Variants in CABLES1 observed in about 807,000 individuals in gnomAD.
CABLES1 encodes the protein Cdk5 and Abl enzyme substrate 1, also known as CDK5 and ABL1 enzyme substrate 1.
In CABLES1, 36 loss-of-function variants were observed where a neutral mutation model predicts 57.8. That is an observed-to-expected ratio of 0.62 (90% CI 0.48 to 0.82). CABLES1 has a LOEUF of 0.82. CABLES1 is among the 40% of genes least tolerant of loss of function. The probability of loss-of-function intolerance (pLI) is 0.00; values close to 1 mark genes in which losing one functional copy is unlikely to be tolerated. For synonymous variants in CABLES1, 374 were observed against 363.0 expected, an observed-to-expected ratio of 1.03 and a Z score of -0.35; for missense variants, 767 against 836.6, an observed-to-expected ratio of 0.92 and a Z score of 1.03.
chr18:23,196,363 T>G (rs1013693914), intron 3 of CABLES1, among the ~76,000 whole-genome samples: 2 of 152,154 alleles, frequency 1.3e-5, no homozygotes, highest in African/African-American at 2.4e-5. Flanking sequence ...CTGGTTTTCT[T>G]GTGCAAAGGG....
chr18:23,148,242 G>C (rs2046905978), intron 1 of CABLES1, among the ~76,000 whole-genome samples: 1 of 152,084 alleles, frequency 6.6e-6, no homozygotes, highest in Non-Finnish European at 1.5e-5. Context: ...ACCCGCCTCA[G>C]CCTCCCAAAG....
Position 23,253,836 on chromosome 18 carries a change from T to C in CABLES1, c.1661T>C (p.Leu554Pro). 1 of 1,614,182 alleles carries C rather than the reference T, an allele frequency of 6.2e-7. No homozygotes were observed. Among genetic ancestry groups the C allele is most frequent in the Non-Finnish European group, 8.5e-7 (1 of 1,180,036 alleles). ...YFEKLALKGK[L>P]NKQNRKLCAG... ...GAAAAGCTCGCCCTCAAGGGGAAAC[T>C]CAACAAACAGAACCGGAAGCTGTGT... is the stretch of plus-strand genomic sequence containing the variant. Residue 554 changes from leucine (L) to proline (P), a missense_variant, in exon 9 of 10, where the codon CTC becomes CCC. Leu to Pro is a moderately conservative substitution (Grantham distance 98). Transcript: ENST00000256925.
chr18:23,177,155 T>A (rs1358836627), intron 1 of CABLES1, among the ~76,000 whole-genome samples: 2 of 151,892 alleles, frequency 1.3e-5, no homozygotes, highest in Non-Finnish European at 2.9e-5. Flanking sequence ...CTTCAGCAGG[T>A]AAAGGCATTC....
At chr18:23,145,782 GT>G (rs962802692) in intron 1 of CABLES1, among the ~76,000 whole-genome samples, 2 of 152,130 alleles carry the variant, frequency 1.3e-5, no homozygotes, top group Admixed American at 6.5e-5. Flanking sequence ...TTTCCTCTTT[GT>G]TTTAGTAGTT....
chr18:23,235,342 A>T (rs2047596326), intron 5 of CABLES1, among the ~76,000 whole-genome samples: 1 of 152,224 alleles, frequency 6.6e-6, no homozygotes, highest in Admixed American at 6.5e-5. Context: ...CAAGGTGTAG[A>T]TAGAGCGCAT....
intron 4 of CABLES1, among the ~76,000 whole-genome samples, 185 bp from the exon 5 acceptor site, chr18:23,234,423 G>T (rs1277249432): frequency 6.6e-6 from 1 of 152,220 alleles, no homozygotes; most frequent in Non-Finnish European, 1.5e-5. Flanking sequence ...TTTCATTTAT[G>T]TCAAAGTGGT....
chr18:23,237,382 C>A, intron 7 of CABLES1, 137 bp downstream of exon 7: 3 of 682,670 alleles, frequency 4.4e-6, no homozygotes, highest in Non-Finnish European at 8.0e-6. Flanking sequence ...TGGGTGCCCA[C>A]GGAAGGACCA....
chr18:23,226,241 A>G (rs1192340580), intron 4 of CABLES1, among the ~76,000 whole-genome samples: 1 of 152,102 alleles, frequency 6.6e-6, no homozygotes, highest in Non-Finnish European at 1.5e-5. Context: ...ATCTCTACTA[A>G]AATTACAAAA....
chr18:23,169,126 C>T (rs1333040331), intron 1 of CABLES1, among the ~76,000 whole-genome samples: 2 of 152,156 alleles, frequency 1.3e-5, no homozygotes, highest in Non-Finnish European at 2.9e-5. Context: ...CTCCCACCAG[C>T]GCCATGACAG....
intron 2 of CABLES1, 77 bp downstream of exon 2, chr18:23,188,986 C>G: frequency 3.2e-6 from 3 of 941,748 alleles, no homozygotes; most frequent in Non-Finnish European, 4.9e-6. Context: ...TTTTTAACTT[C>G]TTGATCTATA....
intron 7 of CABLES1, among the ~76,000 whole-genome samples, chr18:23,246,538 CCCG>C (rs1160614171): frequency 6.6e-6 from 1 of 151,752 alleles, no homozygotes; most frequent in East Asian, 2.0e-4. Flanking sequence ...ACTACAGGCA[CCCG>C]CCACCACACC....
rs764085259 is a variant in CABLES1, at chr18:23,188,875, C to G, written c.883C>G (p.Leu295Val). The change falls in exon 2 of 10, where the codon CTG becomes GTG. Residue 295 changes from leucine (L) to valine (V), a missense_variant. By Grantham distance (32) the Leu-to-Val change is conservative. Around this residue, in one of 4 missense-constraint regions of CABLES1, gnomAD observed 529 missense variants for 622.8 expected, o/e 0.85. Transcript: ENST00000256925. The part of the protein sequence containing the change: ...LISQRSSLET[L>V]EDIEENAPLR... The stretch of plus-strand genomic sequence containing the variant: ...CTCCCAGAGATCTTCCTTGGAGACC[C>G]TGGAAGATATTGAGGAGAACGCCCC... 1.1e-5 allele frequency: 18 copies of G among 1,613,964 alleles called. No individual in the cohort carries two copies. In the South Asian group the frequency reaches 2.0e-4, roughly 18 times the overall value.
In CABLES1 at chr18:23,190,073, C is replaced by T. The variant is rs138565787; in HGVS notation, c.917+1164C>T. Among the ~76,000 whole-genome samples, 708 of 152,300 alleles carry T rather than the reference C, an allele frequency of 4.6e-3. 3 individuals are homozygous for T. Among genetic ancestry groups the T allele is most frequent in the South Asian group, 9.5e-3 (46 of 4,828 alleles). ...GTGGTATGTGGCTGTGTGGCAAACG[C>T]GGCCTGGGAACAAGTGTTACTCTGT... On this transcript the variant is annotated intron_variant, in intron 2 of 9. Transcript: ENST00000256925.
Position 23,156,960 on chromosome 18 carries a change from G to C in CABLES1, c.845+20353G>C, listed in dbSNP as rs867962801. 5.3e-5 allele frequency among the ~76,000 whole-genome samples: 8 copies of C among 152,284 alleles called. No homozygotes were observed. The Middle Eastern group carries it at 0.01, about 194-fold the overall frequency. On this transcript the variant is annotated intron_variant, in intron 1 of 9. Transcript: ENST00000256925. Reference sequence around the variant, plus strand: ...AAAAGACAAGAATGAGCTGAGAGAAGGCATGTAGCCTTGGTCACCTCAACT... The same window carrying C: ...AAAAGACAAGAATGAGCTGAGAGAACGCATGTAGCCTTGGTCACCTCAACT...
intron 3 of CABLES1, chr18:23,196,891 T>C (rs1487862606): frequency 6.6e-6 from 1 of 152,354 alleles, no homozygotes; most frequent in African/African-American, 2.4e-5. Flanking sequence ...CAGCCCAGGC[T>C]CTCAGTCTGC....
intron 1 of CABLES1, among the ~76,000 whole-genome samples, chr18:23,141,283 A>C (rs192853345): frequency 3.5e-4 from 53 of 152,284 alleles, no homozygotes; most frequent in Non-Finnish European, 5.6e-4. Flanking sequence ...CTCCCGCTGC[A>C]TTGCCCCTCT....
intron 4 of CABLES1, among the ~76,000 whole-genome samples, chr18:23,230,745 C>T (rs1461621227): frequency 6.6e-6 from 1 of 152,192 alleles, no homozygotes; most frequent in East Asian, 1.9e-4. Flanking sequence ...TTGAGACTCA[C>T]TTTTCACTGG....
At chr18:23,184,797 A>T (rs1343580242) in intron 1 of CABLES1, among the ~76,000 whole-genome samples, 6 of 152,224 alleles carry the variant, frequency 3.9e-5, no homozygotes, top group African/African-American at 1.4e-4. Flanking sequence ...TTGGGGTCAG[A>T]TGAGGGCTCT....
At chr18:23,200,437 C>T (rs1415931640) in intron 3 of CABLES1, among the ~76,000 whole-genome samples, 1 of 151,628 alleles carries the variant, frequency 6.6e-6, no homozygotes, top group Admixed American at 6.6e-5. Flanking sequence ...TTTTTTTATA[C>T]TTTTTTAGTA....
Sources: allele counts gnomAD v4.1 joint callset (sites outside exome capture counted in the v4.1 genomes callset), GRCh38; gene constraint gnomAD v4.1.1; regional missense constraint gnomAD v4.1.1; transcripts MANE v1.5; gene names NCBI Gene and HGNC (gene_info 2026-07-23, HGNC 2026-07-21).